The following PKIA variants were observed in gnomAD, a reference collection of about 807,000 sequenced individuals.
The protein encoded by PKIA is cAMP-dependent protein kinase inhibitor alpha.
A neutral mutation model predicts 7.6 loss-of-function variants in PKIA; 4 were observed. The observed-to-expected ratio is 0.52, with a 90% CI of 0.26 to 1.20. PKIA has a LOEUF of 1.20. Ranked by LOEUF, PKIA falls within the 50% of genes most tolerant of loss-of-function variation. The pLI is 0.13. For missense variants in PKIA, 73 were observed against 86.2 expected (o/e 0.85, Z 0.61); for synonymous variants, 21 against 30.7 (o/e 0.68, Z 1.04).
chr8:78,598,287 C>A (rs1225737621), intron 2 of PKIA, 71 bp from the exon 3 acceptor site: 6 of 895,778 alleles, frequency 6.7e-6, no homozygotes, highest in Non-Finnish European at 1.0e-5. Context: ...CATTCATATA[C>A]TAAGTCGGTA....
At chr8:78,567,203 T>C (rs1807435628) in intron 1 of PKIA, among the ~76,000 whole-genome samples, 1 of 152,202 alleles carries the variant, frequency 6.6e-6, no homozygotes, top group South Asian at 2.1e-4. Context: ...GTTACATTTG[T>C]TTCAATTAGT....
chr8:78,522,554 C>A (rs112138847), intron 1 of PKIA, among the ~76,000 whole-genome samples: 36 of 151,990 alleles, frequency 2.4e-4, no homozygotes, highest in African/African-American at 8.2e-4. Flanking sequence ...AGGAAATCAA[C>A]TGAACATGAT....
intron 1 of PKIA, among the ~76,000 whole-genome samples, chr8:78,543,184 T>C (rs1267590179): frequency 6.6e-6 from 1 of 152,202 alleles, no homozygotes. Flanking sequence ...AGATTTGCTT[T>C]TAAATAATGC....
intron 2 of PKIA, among the ~76,000 whole-genome samples, chr8:78,581,943 G>T (rs368811459): frequency 6.6e-6 from 1 of 152,106 alleles, no homozygotes; most frequent in African/African-American, 2.4e-5. Context: ...ACTCTCAAAT[G>T]GCTTGAGAAA....
At chr8:78,587,030 C>A (rs1006543595) in intron 2 of PKIA, among the ~76,000 whole-genome samples, 5 of 152,062 alleles carry the variant, frequency 3.3e-5, no homozygotes, top group Admixed American at 3.3e-4. Context: ...TTCTTATGGT[C>A]ATTATTATAT....
Position 78,566,570 on chromosome 8 carries a change from A to G in PKIA, c.-156-6241A>G, listed in dbSNP as rs144849060. ...CGAGTGCCAGCAAAGTGAGCCTCCA[A>G]TTCAAATTGATGAGCATACTATCCT... On this transcript the variant is annotated intron_variant, in intron 1 of 3. Coordinates refer to ENST00000396418, the MANE Select transcript of PKIA (RefSeq NM_006823.4). 7.9e-3 allele frequency among the ~76,000 whole-genome samples: 1,209 copies of G among 152,164 alleles called. 11 individuals carry two copies. Among genetic ancestry groups the G allele is most frequent in the African/African-American group, 0.027 (1,122 of 41,536 alleles).
At chr8:78,524,436 G>A (rs1219599968) in intron 1 of PKIA, among the ~76,000 whole-genome samples, 1 of 151,476 alleles carries the variant, frequency 6.6e-6, no homozygotes, top group Non-Finnish European at 1.5e-5. Context: ...AGTTCTTGGG[G>A]AAATGGCTTT....
chr8:78,564,428 A>C (rs913946973), intron 1 of PKIA, among the ~76,000 whole-genome samples: 1 of 151,968 alleles, frequency 6.6e-6, no homozygotes, highest in Non-Finnish European at 1.5e-5. Flanking sequence ...TGTGATGTTC[A>C]ACTTTAATAG....
At chr8:78,568,398 G>GT (rs1252919653) in intron 1 of PKIA, among the ~76,000 whole-genome samples, 4 of 152,278 alleles carry the variant, frequency 2.6e-5, no homozygotes, top group African/African-American at 9.6e-5. Flanking sequence ...AGGGCATGGT[G>GT]TATATAGTCA....
intron 1 of PKIA, among the ~76,000 whole-genome samples, chr8:78,564,731 T>C (rs1807364535): frequency 6.6e-6 from 1 of 151,874 alleles, no homozygotes; most frequent in African/African-American, 2.4e-5. Context: ...ACATTTAATT[T>C]CAACAATAAG....
chr8:78,545,309 A>C (rs1171470448), intron 1 of PKIA, among the ~76,000 whole-genome samples: 1 of 152,170 alleles, frequency 6.6e-6, no homozygotes, highest in East Asian at 1.9e-4. Flanking sequence ...GTAAGAGCTG[A>C]AGAATATCAG....
At chr8:78,543,155 C>G (rs1244090726) in intron 1 of PKIA, among the ~76,000 whole-genome samples, 1 of 152,138 alleles carries the variant, frequency 6.6e-6, no homozygotes, top group African/African-American at 2.4e-5. Flanking sequence ...AGGTCAGAAC[C>G]CTGGTTCCAG....
At chr8:78,546,557 A>C (rs939567293) in intron 1 of PKIA, among the ~76,000 whole-genome samples, 10 of 152,136 alleles carry the variant, frequency 6.6e-5, no homozygotes, top group African/African-American at 2.4e-4. Context: ...TATTACCTCA[A>C]AATAAGGGCT....
chr8:78,527,944 T>C (rs937411815), intron 1 of PKIA, among the ~76,000 whole-genome samples: 1 of 152,140 alleles, frequency 6.6e-6, no homozygotes, highest in African/African-American at 2.4e-5. Flanking sequence ...AAGGTACTCT[T>C]TTAAATCAAG....
intron 1 of PKIA, among the ~76,000 whole-genome samples, chr8:78,567,378 C>T (rs1248448169): frequency 1.3e-5 from 2 of 152,088 alleles, no homozygotes; most frequent in Non-Finnish European, 2.9e-5. Flanking sequence ...GACAATTTCT[C>T]ATACTTTCCT....
At chr8:78,558,700 C>G (rs1269725587) in intron 1 of PKIA, among the ~76,000 whole-genome samples, 1 of 151,208 alleles carries the variant, frequency 6.6e-6, no homozygotes, top group Non-Finnish European at 1.5e-5. Flanking sequence ...GGTGGGGACA[C>G]AGCCAAACCA....
At chr8:78,527,269 TTAAGA>T (rs963130348) in intron 1 of PKIA, among the ~76,000 whole-genome samples, 1 of 152,048 alleles carries the variant, frequency 6.6e-6, no homozygotes, top group African/African-American at 2.4e-5. Flanking sequence ...ATAGTCTGAA[TTAAGA>T]TGAGATGTTG....
chr8:78,602,950 T>C lies in PKIA; in HGVS notation c.*1129T>C, dbSNP rs746474410. ...AAAGCCCTGGTGTTGTGTTTTCATG[T>C]CTTTTTTCAGCCCTCTCAGATCCAA... is the stretch of plus-strand genomic sequence containing the variant. On this transcript the variant is annotated 3_prime_UTR_variant, in exon 4 of 4. Transcript: ENST00000396418. 6.6e-6 allele frequency: 1 copy of C among 152,296 alleles called. No homozygotes were observed. Among genetic ancestry groups the C allele is most frequent in the Non-Finnish European group, 1.5e-5 (1 of 67,930 alleles). 9.4% of individuals were successfully genotyped at this position (152,296 alleles called of 1,614,324 possible). A position where few individuals can be genotyped will look rare whatever the true frequency, so the allele number is the denominator to read the frequency against.
At chr8:78,526,258 G>T (rs887668772) in intron 1 of PKIA, among the ~76,000 whole-genome samples, 13 of 152,154 alleles carry the variant, frequency 8.5e-5, no homozygotes, top group African/African-American at 3.1e-4. Context: ...GTAATGCGAG[G>T]TTGTTAGGCT....
Sources: gnomAD v4.1 joint callset for allele counts (sites outside exome capture counted in the v4.1 genomes callset) on GRCh38, gnomAD v4.1.1 for gene constraint, MANE v1.5 for transcripts, NCBI Gene and HGNC (gene_info 2026-07-23, HGNC 2026-07-21) for gene names.